MID1: variants seen among roughly 807,000 people sequenced by gnomAD.
MID1 encodes E3 ubiquitin-protein ligase Midline-1.
Under a neutral mutation model 40.4 loss-of-function variants are expected in MID1, and 7 were observed. That is an observed-to-expected ratio of 0.17 (90% CI 0.10 to 0.33). MID1 has a LOEUF of 0.33. Ranked by LOEUF, MID1 falls within the 10% of genes least tolerant of loss-of-function variation. MID1 has a pLI of 1.00. For synonymous variants in MID1, 229 were observed against 221.2 expected (o/e 1.04, Z -0.31); for missense variants, 367 against 558.5 (o/e 0.66, Z 3.46).
At chrX:10,537,965 A>G (rs905402939) in intron 2 of MID1, among the ~76,000 whole-genome samples, 10 of 109,955 alleles carry the variant, frequency 9.1e-5, no homozygotes, top group Non-Finnish European at 1.5e-4. Flanking sequence ...CCTTCCCTTT[A>G]TTTATTTATT....
intron 1 of MID1, among the ~76,000 whole-genome samples, chrX:10,817,538 TTC>T (rs1165468016): frequency 9.9e-6 from 1 of 101,462 alleles, no homozygotes; most frequent in South Asian, 4.6e-4. Flanking sequence ...CTTTCTTTCT[TTC>T]TTTCTTTCTT....
intron 1 of MID1, among the ~76,000 whole-genome samples, chrX:10,707,042 T>A (rs1033174277): frequency 5.3e-5 from 6 of 112,158 alleles, no homozygotes; most frequent in African/African-American, 1.9e-4. Context: ...CTTGCTAGGT[T>A]TGATATGTCC....
At chrX:10,709,293 AG>A (rs2043250509) in intron 1 of MID1, among the ~76,000 whole-genome samples, 1 of 112,405 alleles carries the variant, frequency 8.9e-6, no homozygotes, top group African/African-American at 3.2e-5. Flanking sequence ...ATAACCAAAA[AG>A]GTAGATCAGT....
chrX:10,636,331 A>G (rs1936108950), intron 1 of MID1, among the ~76,000 whole-genome samples: 1 of 111,950 alleles, frequency 8.9e-6, no homozygotes, highest in South Asian at 3.7e-4. Context: ...TAAGAGTTTA[A>G]AAATAGAGAG....
chrX:10,476,812 T>C (rs982728725), intron 5 of MID1, among the ~76,000 whole-genome samples: 1 of 111,699 alleles, frequency 9.0e-6, no homozygotes, highest in Non-Finnish European at 1.9e-5. Context: ...CCCTGGGGAA[T>C]TGGGCTAATT....
At chrX:10,530,647 G>A (rs1395388919) in intron 2 of MID1, among the ~76,000 whole-genome samples, 1 of 112,371 alleles carries the variant, frequency 8.9e-6, no homozygotes, top group Non-Finnish European at 1.9e-5. Context: ...GCTTATTTGA[G>A]CTGATAATTG....
chrX:10,712,568 A>G lies in MID1; in HGVS notation c.-186-92149T>C, dbSNP rs747083208. 2.1e-3 allele frequency among the ~76,000 whole-genome samples: 237 copies of G among 110,858 alleles called. 1 individual carries two copies. The highest frequency in any genetic ancestry group is 7.3e-3 in the African/African-American group (224 of 30,526). ...GAAATACAAACCCTGGAACCAAGCC[A>G]ATGTATAAAACCCCAAGTCAAGGGC... On this transcript the variant is annotated intron_variant, in intron 1 of 10. Transcript: ENST00000380785.
chrX:10,704,765 C>CACAG (rs781699598), intron 1 of MID1, among the ~76,000 whole-genome samples: 30 of 91,629 alleles, frequency 3.3e-4, no homozygotes, highest in African/African-American at 1.1e-3. Context: ...CACACACACA[C>CACAG]AGAGAGAGAG....
intron 1 of MID1, among the ~76,000 whole-genome samples, chrX:10,763,332 C>CA (rs1443578196): frequency 1.5e-5 from 1 of 65,319 alleles, no homozygotes; most frequent in Non-Finnish European, 2.8e-5. Context: ...CACCCCACAA[C>CA]AGGCCCCGGT....
chrX:10,567,069 C>T lies in MID1; in HGVS notation c.479G>A (p.Arg160His). ...AGAGTCCGGAATTGGCTCAATCAGACGATGGCCTGTAAAGGGCTTCTTATT... is the reference window on the plus strand; with the variant it reads ...AGAGTCCGGAATTGGCTCAATCAGATGATGGCCTGTAAAGGGCTTCTTATT... ...HPNKKPFTGH[R>H]LIEPIPDSHI... Residue 160 changes from arginine to histidine, a missense_variant, in exon 2 of 10, where the codon CGT becomes CAT. By Grantham distance (29) the Arg-to-His change is conservative (BLOSUM62 0). Coordinates refer to ENST00000317552, the MANE Select transcript of MID1 (RefSeq NM_000381.4). The T allele has an allele frequency of 8.3e-7, 1 of 1,211,799 alleles. No homozygotes were observed. Among genetic ancestry groups the T allele is most frequent in the Non-Finnish European group, 1.1e-6 (1 of 895,559 alleles).
At chrX:10,496,579 T>C (rs1295777927) in intron 3 of MID1, among the ~76,000 whole-genome samples, 2 of 112,506 alleles carry the variant, frequency 1.8e-5, no homozygotes, top group African/African-American at 6.5e-5. Context: ...ACAGGAGAAG[T>C]TGCAATGTTA....
intron 1 of MID1, among the ~76,000 whole-genome samples, chrX:10,658,603 C>T (rs780279929): frequency 9.1e-6 from 1 of 110,038 alleles, no homozygotes; most frequent in South Asian, 4.0e-4. Flanking sequence ...GTGTTTTACT[C>T]GCACAATTTA....
intron 3 of MID1, among the ~76,000 whole-genome samples, chrX:10,504,909 A>C (rs1931752135): frequency 9.0e-6 from 1 of 111,593 alleles, no homozygotes; most frequent in Admixed American, 9.6e-5. Context: ...TGTTCAAATA[A>C]AACTTTACTT....
chrX:10,665,622 G>T, intron 1 of MID1, among the ~76,000 whole-genome samples: 1 of 108,226 alleles, frequency 9.2e-6, no homozygotes, highest in Non-Finnish European at 1.9e-5. Context: ...TGATCTCCTG[G>T]GCTCAAGCAA....
At chrX:10,768,266 A>G (rs1007828837) in intron 1 of MID1, among the ~76,000 whole-genome samples, 1 of 111,627 alleles carries the variant, frequency 9.0e-6, no homozygotes, top group African/African-American at 3.2e-5. Context: ...AAATTAATGT[A>G]GATTTAAAGG....
At chrX:10,711,618 C>A (rs1050236222) in intron 1 of MID1, among the ~76,000 whole-genome samples, 22 of 111,549 alleles carry the variant, frequency 2.0e-4, no homozygotes, top group African/African-American at 6.8e-4. Flanking sequence ...CATGATTTTC[C>A]CCTCTTAGAA....
chrX:10,641,588 C>A (rs1234128566), intron 1 of MID1, among the ~76,000 whole-genome samples: 2 of 111,792 alleles, frequency 1.8e-5, no homozygotes, highest in Non-Finnish European at 3.8e-5. Flanking sequence ...ACCAGAGGTA[C>A]AAAGAGGAGC....
chrX:10,691,403 A>C (rs2043130701), intron 1 of MID1, among the ~76,000 whole-genome samples: 1 of 111,288 alleles, frequency 9.0e-6, no homozygotes, highest in Non-Finnish European at 1.9e-5. Context: ...AGAAGAACAT[A>C]AATTGTGAAG....
chrX:10,809,492 G>A (rs1248374991), intron 1 of MID1, among the ~76,000 whole-genome samples: 3 of 111,218 alleles, frequency 2.7e-5, no homozygotes, highest in Non-Finnish European at 3.8e-5. Flanking sequence ...TGTTTATTGC[G>A]GCACTATTCA....
Sources: gnomAD v4.1 joint callset for allele counts (sites outside exome capture counted in the v4.1 genomes callset) on GRCh38, gnomAD v4.1.1 for gene constraint, MANE v1.5 for transcripts, NCBI Gene and HGNC (gene_info 2026-07-23, HGNC 2026-07-21) for gene names.